CRISP2: variants seen among roughly 807,000 people sequenced by gnomAD.
The protein encoded by CRISP2 is cysteine-rich secretory protein 2.
A neutral mutation model predicts 31.7 loss-of-function variants in CRISP2; 29 were observed. The ratio of observed to expected loss-of-function variants is 0.92; its 90% CI spans 0.68 to 1.25. CRISP2 has a LOEUF of 1.25. Ranked by LOEUF, CRISP2 falls within the 50% of genes most tolerant of loss-of-function variation. The pLI, the probability that CRISP2 is intolerant of heterozygous loss-of-function variation, is 0.00. For synonymous variants in CRISP2, 111 were observed against 101.4 expected (o/e 1.09, Z -0.57); for missense variants, 318 against 286.5 (o/e 1.11, Z -0.79).
At chr6:49,712,764 G>A (rs1768257569) in intron 1 of CRISP2, among the ~76,000 whole-genome samples, 160 bp from the exon 2 acceptor site, 1 of 152,088 alleles carries the variant, frequency 6.6e-6, no homozygotes. Flanking sequence ...AGACCATATT[G>A]TCCTTCTGAG....
At chr6:49,701,700 T>TA (rs1561876577) in intron 4 of CRISP2, among the ~76,000 whole-genome samples, 6 of 98,584 alleles carry the variant, frequency 6.1e-5, no homozygotes, top group African/African-American at 2.8e-4. Flanking sequence ...TATGTATACA[T>TA]TATGTATACA....
At chr6:49,692,962 A>G in intron 9 of CRISP2, 62 bp from the exon 10 acceptor site, 3 of 1,577,206 alleles carry the variant, frequency 1.9e-6, no homozygotes, top group Non-Finnish European at 2.6e-6. Flanking sequence ...AAAACCATAC[A>G]TTCAAAGTGT....
chr6:49,677,792 G>C, the CRISP2 span, among the ~76,000 whole-genome samples: 2 of 152,078 alleles, frequency 1.3e-5, no homozygotes, highest in Non-Finnish European at 2.9e-5. Flanking sequence ...AGGAAGTCTA[G>C]GGAAAGCCTG....
intron 9 of CRISP2, among the ~76,000 whole-genome samples, chr6:49,693,658 T>C (rs1346376839): frequency 6.6e-6 from 1 of 152,178 alleles, no homozygotes; most frequent in Non-Finnish European, 1.5e-5. Flanking sequence ...TTCTTTTTCC[T>C]TCTCTTTTTC....
chr6:49,682,915 T>C, the CRISP2 span, among the ~76,000 whole-genome samples: 1 of 151,594 alleles, frequency 6.6e-6, no homozygotes, highest in East Asian at 2.0e-4. Context: ...TCTCAGCACT[T>C]TGTGAGGCCG....
At chr6:49,696,722 T>C (rs939883389) in intron 8 of CRISP2, among the ~76,000 whole-genome samples, 2 of 152,134 alleles carry the variant, frequency 1.3e-5, no homozygotes, top group Admixed American at 1.3e-4. Flanking sequence ...TCATTTAAAA[T>C]TATGTGGGAG....
intron 9 of CRISP2, among the ~76,000 whole-genome samples, 187 bp downstream of exon 9, chr6:49,695,649 T>C (rs1764609143): frequency 6.6e-6 from 1 of 152,234 alleles, no homozygotes; most frequent in Admixed American, 6.5e-5. Context: ...TGCTTTTCAT[T>C]ACAAATAATA....
At chr6:49,676,960 G>T in the CRISP2 span, among the ~76,000 whole-genome samples, 1 of 152,094 alleles carries the variant, frequency 6.6e-6, no homozygotes, top group Non-Finnish European at 1.5e-5. Flanking sequence ...CAATGCCTTA[G>T]ATTTTATCTA....
chr6:49,680,856 T>TC, the CRISP2 span, among the ~76,000 whole-genome samples: 1 of 152,080 alleles, frequency 6.6e-6, no homozygotes, highest in Non-Finnish European at 1.5e-5. Flanking sequence ...TTTTATTTTT[T>TC]CTTGTAAATT....
At chr6:49,690,972 G>A (rs1764032996), downstream of CRISP2, among the ~76,000 whole-genome samples, 1 of 151,076 alleles carries the variant, frequency 6.6e-6, no homozygotes, top group African/African-American at 2.4e-5. Flanking sequence ...TTTTTAACCA[G>A]TCACTAGAGT....
intron 2 of CRISP2, among the ~76,000 whole-genome samples, 180 bp from the exon 3 acceptor site, chr6:49,711,501 G>T (rs1034763610): frequency 7.9e-5 from 12 of 152,102 alleles, no homozygotes; most frequent in South Asian, 4.1e-4. Flanking sequence ...GACATTATTT[G>T]CTTCCCACAT....
chr6:49,682,824 C>T, the CRISP2 span, among the ~76,000 whole-genome samples: 4 of 149,050 alleles, frequency 2.7e-5, no homozygotes, highest in Non-Finnish European at 5.9e-5. Flanking sequence ...CCCTCCTTCC[C>T]TCCATCCCTT....
chr6:49,711,285 T>C lies in CRISP2; in HGVS notation c.-10A>G, dbSNP rs1256147718. On this transcript the variant is annotated splice_region_variant and 5_prime_UTR_variant, in exon 3 of 10. Coordinates refer to ENST00000339139, the MANE Select transcript of CRISP2 (RefSeq NM_003296.4). ...TTAAAATCAATGATTTAACACTTACTGTTGGTTTTCTGAGCAGGATGAAAT... is the reference window on the plus strand; with the variant it reads ...TTAAAATCAATGATTTAACACTTACCGTTGGTTTTCTGAGCAGGATGAAAT... 2 of 152,240 alleles carry C rather than the reference T, an allele frequency of 1.3e-5. No individual in the cohort carries two copies. The highest frequency in any genetic ancestry group is 2.9e-5 in the Non-Finnish European group (2 of 68,040). The allele number at this position is 152,240 out of a possible 1,614,324, so 9.4% of individuals were successfully genotyped here.
At position 49,700,679 on chromosome 6, in the gene CRISP2, T is replaced by A; in HGVS notation, c.172A>T (p.Met58Leu). The A allele has an allele frequency of 3.1e-6, 5 of 1,603,588 alleles. No homozygotes were observed. The highest frequency in any genetic ancestry group is 3.4e-6 in the Non-Finnish European group (4 of 1,170,914). ...GCACTGCCTCTTACCATCTTTAGCA[T>A]GTTACTGGCAGGTGGAGAGACTGCT... Reference protein sequence around the residue: ...RKAVSPPASNMLKMEWSREVT... With the variant: ...RKAVSPPASNLLKMEWSREVT... Residue 58 changes from methionine (M) to leucine (L), a missense_variant, in exon 5 of 10, where the codon ATG becomes TTG. Coordinates refer to ENST00000339139, the MANE Select transcript of CRISP2 (RefSeq NM_003296.4).
At chr6:49,709,018 C>A in intron 4 of CRISP2, 113 bp downstream of exon 4, 1 of 842,656 alleles carries the variant, frequency 1.2e-6, no homozygotes, top group South Asian at 1.5e-5. Flanking sequence ...GAACTCTGAA[C>A]CAGTGGAAAC....
chr6:49,701,441 G>A (rs1265274942), intron 4 of CRISP2, among the ~76,000 whole-genome samples: 1 of 146,492 alleles, frequency 6.8e-6, no homozygotes, highest in South Asian at 2.2e-4. Flanking sequence ...CCAGGTTGCT[G>A]CAAATGCCAT....
intron 4 of CRISP2, among the ~76,000 whole-genome samples, chr6:49,702,850 G>C (rs1231334702): frequency 6.6e-6 from 1 of 151,898 alleles, no homozygotes; most frequent in African/African-American, 2.4e-5. Context: ...TTGCTTTTGG[G>C]TTCTTGGTCA....
chr6:49,685,917 G>C, the CRISP2 span, among the ~76,000 whole-genome samples: 1 of 152,100 alleles, frequency 6.6e-6, no homozygotes, highest in Admixed American at 6.5e-5. Flanking sequence ...TATACAAAGA[G>C]GAATACCCAG....
chr6:49,685,424 A>G, the CRISP2 span, among the ~76,000 whole-genome samples: 1 of 152,168 alleles, frequency 6.6e-6, no homozygotes, highest in African/African-American at 2.4e-5. Flanking sequence ...TATTTCCCTG[A>G]CAGCTCTGTT....
Sources: allele counts gnomAD v4.1 joint callset (sites outside exome capture counted in the v4.1 genomes callset), GRCh38; gene constraint gnomAD v4.1.1; transcripts MANE v1.5; gene names NCBI Gene and HGNC (gene_info 2026-07-23, HGNC 2026-07-21).